Variants in DMD observed in about 807,000 individuals in gnomAD.
DMD encodes the protein dystrophin.
In DMD, 63 loss-of-function variants were observed where a neutral mutation model predicts 330.1. The ratio of observed to expected loss-of-function variants is 0.19; its 90% CI spans 0.16 to 0.24. DMD has a LOEUF of 0.24. Ranked by LOEUF, DMD falls within the 10% of genes least tolerant of loss-of-function variation. The probability of loss-of-function intolerance (pLI) is 1.00; values close to 1 mark genes in which losing one functional copy is unlikely to be tolerated. For missense variants in DMD, 3,344 were observed against 2,684.1 expected (o/e 1.25, Z -5.43); for synonymous variants, 1,223 against 959.8 (o/e 1.27, Z -5.07).
rs187611364 is a variant in DMD, at chrX:33,037,266, A to T, written c.32-17066T>A. ...ATTTCATATAATTTTTCCATCTCTC[A>T]TTCAGATGGGAAGTTGCTCTCCTTC... On this transcript the variant is annotated intron_variant, in intron 1 of 78. Coordinates refer to ENST00000357033, the MANE Select transcript of DMD (RefSeq NM_004006.3). 2.6e-3 allele frequency among the ~76,000 whole-genome samples: 293 copies of T among 110,812 alleles called. 4 individuals carry two copies. Among genetic ancestry groups the T allele is most frequent in the Non-Finnish European group, 7.0e-4 (37 of 52,901 alleles).
At chrX:31,713,119 T>G (rs2148921313) in intron 52 of DMD, among the ~76,000 whole-genome samples, 1 of 111,919 alleles carries the variant, frequency 8.9e-6, no homozygotes, top group East Asian at 2.8e-4. Flanking sequence ...AGAAAATTCT[T>G]ACTTCACTCA....
chrX:32,744,913 G>C (rs1434051714), intron 7 of DMD, among the ~76,000 whole-genome samples: 1 of 111,858 alleles, frequency 8.9e-6, no homozygotes, highest in Admixed American at 9.5e-5. Context: ...GGGTGGGAGA[G>C]TTCTTAAAGG....
intron 7 of DMD, among the ~76,000 whole-genome samples, chrX:32,759,663 T>C (rs2071974913): frequency 8.9e-6 from 1 of 112,037 alleles, no homozygotes; most frequent in Non-Finnish European, 1.9e-5. Flanking sequence ...GCAATTTTCT[T>C]ATTATTTTAT....
At chrX:31,942,433 T>G (rs1337738508) in intron 45 of DMD, among the ~76,000 whole-genome samples, 1 of 112,385 alleles carries the variant, frequency 8.9e-6, no homozygotes, top group African/African-American at 3.2e-5. Context: ...CTTTGTGATC[T>G]GGTCTCTACT....
intron 78 of DMD, among the ~76,000 whole-genome samples, chrX:31,125,385 AATCATTAAAT>A (rs1427312742): frequency 4.5e-5 from 5 of 111,938 alleles, no homozygotes; most frequent in African/African-American, 1.6e-4. Flanking sequence ...CACACTGAAG[AATCATTAAAT>A]TGATTAGACT....
At chrX:33,167,804 A>G (rs2049131460) in intron 1 of DMD, among the ~76,000 whole-genome samples, 1 of 111,208 alleles carries the variant, frequency 9.0e-6, no homozygotes, top group South Asian at 3.7e-4. Context: ...CTTCCCATTT[A>G]CCACTTATGA....
chrX:32,846,867 C>A (rs1486826690), intron 3 of DMD, among the ~76,000 whole-genome samples: 2 of 109,471 alleles, frequency 1.8e-5, no homozygotes, highest in Non-Finnish European at 3.8e-5. Flanking sequence ...CTTAGCCAGG[C>A]ATGATGGAAC....
rs147088962 is a variant in DMD, at chrX:33,337,855, C to T, written c.7+1404G>A. ...AAGTTACATAACAGCCAATAGTGTT[C>T]CTTAACCAGACTGACTGGGATATTA... On this transcript the variant is annotated intron_variant, in intron 1 of 17. Transcript: ENST00000288447. Among the ~76,000 whole-genome samples the T allele has an allele frequency of 3.6e-3, 406 of 111,802 alleles. 2 individuals are homozygous for T. Among genetic ancestry groups the T allele is most frequent in the Non-Finnish European group, 6.4e-3 (337 of 52,990 alleles).
At chrX:32,212,225 C>T (rs988026489) in intron 44 of DMD, among the ~76,000 whole-genome samples, 5 of 111,802 alleles carry the variant, frequency 4.5e-5, no homozygotes, top group African/African-American at 1.6e-4. Flanking sequence ...ATTCCTAATC[C>T]AAGAGCCCTT....
chrX:32,412,256 A>G (rs2098145899), intron 29 of DMD: 1 of 988,553 alleles, frequency 1.0e-6, no homozygotes, highest in South Asian at 2.0e-5. Flanking sequence ...ATCTCATTAT[A>G]TAGTTCAAGA....
At chrX:33,065,551 A>G (rs892892806) in intron 1 of DMD, among the ~76,000 whole-genome samples, 12 of 112,354 alleles carry the variant, frequency 1.1e-4, no homozygotes, top group Admixed American at 3.8e-4. Flanking sequence ...TGAAATGTAC[A>G]TGCTGCCTAC....
At chrX:32,447,357 C>G (rs1030713976) in intron 27 of DMD, among the ~76,000 whole-genome samples, 1 of 110,070 alleles carries the variant, frequency 9.1e-6, no homozygotes, top group Admixed American at 9.7e-5. Flanking sequence ...ATAGAAGGCA[C>G]TTTTCAAGAG....
At chrX:33,135,771 A>G (rs775183119) in intron 1 of DMD, among the ~76,000 whole-genome samples, 1 of 112,157 alleles carries the variant, frequency 8.9e-6, no homozygotes, top group South Asian at 3.7e-4. Context: ...AAATGGTCTA[A>G]TAACAGTACT....
intron 60 of DMD, among the ~76,000 whole-genome samples, chrX:31,351,159 T>TATAC (rs1556545835): frequency 2.9e-5 from 3 of 105,093 alleles, no homozygotes; most frequent in African/African-American, 1.1e-4. Context: ...CATACATATA[T>TATAC]ACACACACAC....
In DMD at chrX:32,095,402, C is replaced by CT. The variant is rs754163642; in HGVS notation, c.6438+121513dup. On this transcript the variant is annotated intron_variant, in intron 44 of 78. Transcript: ENST00000357033. ...GATAAAATTATTTTCAGAAAATTCT[C>CT]TAAGTACTCTTGAGTTGGTTAAAGT... is the stretch of plus-strand genomic sequence containing the variant. Among the ~76,000 whole-genome samples, 5 of 111,611 alleles carry CT rather than the reference C, an allele frequency of 4.5e-5. No homozygotes were observed. In the South Asian group the frequency reaches 1.9e-3, roughly 42 times the overall value.
At chrX:31,666,541 T>C (rs747041600) in intron 53 of DMD, among the ~76,000 whole-genome samples, 35 of 112,203 alleles carry the variant, frequency 3.1e-4, no homozygotes, top group Admixed American at 7.6e-4. Flanking sequence ...TGACCTTATT[T>C]CACATAGAGT....
intron 1 of DMD, among the ~76,000 whole-genome samples, chrX:33,174,079 G>T: frequency 9.4e-6 from 1 of 106,713 alleles, no homozygotes; most frequent in Admixed American, 1.0e-4. Context: ...CCCAGACCCT[G>T]CAGAATTGGG....
intron 44 of DMD, among the ~76,000 whole-genome samples, chrX:32,118,191 A>C (rs1376387065): frequency 8.9e-6 from 1 of 111,831 alleles, no homozygotes; most frequent in African/African-American, 3.3e-5. Flanking sequence ...TATATAATAA[A>C]GTATCCTATT....
intron 44 of DMD, among the ~76,000 whole-genome samples, chrX:32,127,824 C>T (rs1248576238): frequency 8.9e-6 from 1 of 112,236 alleles, no homozygotes; most frequent in Admixed American, 9.5e-5. Context: ...TCTAATTTTT[C>T]TTTCTCTTTA....
Sources: gnomAD v4.1 joint callset for allele counts (sites outside exome capture counted in the v4.1 genomes callset) on GRCh38, gnomAD v4.1.1 for gene constraint, MANE v1.5 for transcripts, NCBI Gene and HGNC (gene_info 2026-07-23, HGNC 2026-07-21) for gene names.